The following NDUFA10 variants were observed in gnomAD, a reference collection of about 807,000 sequenced individuals.
The protein encoded by NDUFA10 is NADH dehydrogenase [ubiquinone] 1 alpha subcomplex subunit 10, mitochondrial.
A neutral mutation model predicts 47.8 loss-of-function variants in NDUFA10; 40 were observed. That is an observed-to-expected ratio of 0.84 (90% CI 0.65 to 1.09). The LOEUF is 1.09. Among genes scored for constraint, NDUFA10 ranks in the 50% least tolerant of loss-of-function variants. The probability of loss-of-function intolerance (pLI) is 0.00; values close to 1 mark genes in which losing one functional copy is unlikely to be tolerated. For synonymous variants in NDUFA10, 183 were observed against 172.2 expected, an observed-to-expected ratio of 1.06 and a Z score of -0.49; for missense variants, 413 against 451.1, an observed-to-expected ratio of 0.92 and a Z score of 0.76.
chr2:240,010,723 C>T (rs1472918267), intron 6 of NDUFA10, among the ~76,000 whole-genome samples: 1 of 152,130 alleles, frequency 6.6e-6, no homozygotes, highest in African/African-American at 2.4e-5. Flanking sequence ...GAACATTTCT[C>T]TTATTCACTT....
chr2:239,959,993 C>A lies in NDUFA10; in HGVS notation c.*1125G>T, dbSNP rs563484603. On this transcript the variant is annotated 3_prime_UTR_variant, in exon 10 of 10. Transcript: ENST00000252711. ...CAGCACTGGAACTACTGCCCACAGGCGGCTGTGGAGTGCCTGAACTATGGC... is the reference window on the plus strand; with the variant it reads ...CAGCACTGGAACTACTGCCCACAGGAGGCTGTGGAGTGCCTGAACTATGGC... The A allele has an allele frequency of 2.0e-6, 2 of 985,136 alleles. No individual in the cohort carries two copies. Among genetic ancestry groups the A allele is most frequent in the Non-Finnish European group, 2.4e-6 (2 of 829,752 alleles). The allele number at this position is 985,136 out of a possible 1,614,324, so 61.0% of individuals were successfully genotyped here. A position where few individuals can be genotyped will look rare whatever the true frequency, so the allele number is the denominator to read the frequency against.
chr2:240,005,082 T>TAG, intron 8 of NDUFA10, 128 bp downstream of exon 8: 1 of 818,336 alleles, frequency 1.2e-6, no homozygotes, highest in South Asian at 1.4e-5. Context: ...GAAGAAAAAA[T>TAG]ACCTCTAAGT....
At chr2:239,955,550 G>A (rs1694636252), downstream of NDUFA10, among the ~76,000 whole-genome samples, 1 of 152,182 alleles carries the variant, frequency 6.6e-6, no homozygotes, top group Non-Finnish European at 1.5e-5. Context: ...CTCTTGGAGA[G>A]CCCAGGACAC....
chr2:239,903,286 C>T (rs1431506272), intron 4 of NDUFA10, among the ~76,000 whole-genome samples: 2 of 152,188 alleles, frequency 1.3e-5, no homozygotes, highest in Non-Finnish European at 2.9e-5. Flanking sequence ...AATGTGGCCA[C>T]AGAACGTCAG....
intron 4 of NDUFA10, 47 bp downstream of exon 4, chr2:240,018,506 C>T: frequency 6.2e-7 from 1 of 1,614,176 alleles, no homozygotes; most frequent in Non-Finnish European, 8.5e-7. Context: ...ACAGCCCTTG[C>T]AAAGTCGCAC....
chr2:239,912,433 C>A (rs1219352033), intron 4 of NDUFA10, among the ~76,000 whole-genome samples: 1 of 152,198 alleles, frequency 6.6e-6, no homozygotes, highest in Admixed American at 6.5e-5. Context: ...GCTGGCCAGA[C>A]CCTGAGGGCA....
intron 4 of NDUFA10, among the ~76,000 whole-genome samples, chr2:239,908,141 G>T (rs1383241627): frequency 6.6e-6 from 1 of 151,904 alleles, no homozygotes; most frequent in African/African-American, 2.4e-5. Context: ...GCAAACTATC[G>T]CAAGGACAGA....
At chr2:239,940,327 G>T (rs1315585943) in intron 4 of NDUFA10, among the ~76,000 whole-genome samples, 1 of 152,264 alleles carries the variant, frequency 6.6e-6, no homozygotes, top group Non-Finnish European at 1.5e-5. Context: ...CAAGGGAAGA[G>T]AGTGTGTGGC....
chr2:239,994,129 C>T lies in NDUFA10; in HGVS notation c.891-3947G>A, dbSNP rs541576250. On this transcript the variant is annotated intron_variant, in intron 8 of 9. Transcript: ENST00000252711. ...CACCTTCCAGACGCTGTGTTGACAT[C>T]TACTGTTAACTATGAGATTTCAGAC... 5.9e-5 allele frequency among the ~76,000 whole-genome samples: 9 copies of T among 152,256 alleles called. No individual in the cohort carries two copies. The South Asian group carries it at 1.9e-3, about 32-fold the overall frequency.
rs1476424633 is a variant in NDUFA10, at chr2:239,915,451, GAC to G, written c.295-20139_295-20138del. Among the ~76,000 whole-genome samples the G allele has an allele frequency of 5.0e-5, 7 of 139,490 alleles. No homozygotes were observed. The East Asian group carries it at 6.3e-4, about 13-fold the overall frequency. The allele number at this position is 139,490 out of a possible 152,430, so 91.5% of individuals were successfully genotyped here. ...AAATATACAGACACACACACAGAGA[GAC>G]AGAGATACACATACATACACACACA... On this transcript the variant is annotated intron_variant, in intron 4 of 5. Transcript: ENST00000419408.
At chr2:239,939,564 C>G (rs552128160) in intron 4 of NDUFA10, among the ~76,000 whole-genome samples, 1 of 152,320 alleles carries the variant, frequency 6.6e-6, no homozygotes, top group African/African-American at 2.4e-5. Context: ...AAAGATTATA[C>G]AAGTTCATTA....
chr2:239,953,649 T>C (rs1452736195), downstream of NDUFA10, among the ~76,000 whole-genome samples: 5 of 152,132 alleles, frequency 3.3e-5, no homozygotes, highest in Admixed American at 3.3e-4. Context: ...TCCACTCCCC[T>C]TCCACCACCT....
chr2:239,975,797 A>G (rs1164283230), intron 9 of NDUFA10, among the ~76,000 whole-genome samples: 2 of 152,050 alleles, frequency 1.3e-5, no homozygotes, highest in Non-Finnish European at 2.9e-5. Flanking sequence ...TGGCTGCCAG[A>G]TTAATCCTAA....
At chr2:239,934,788 T>C (rs1231951232) in intron 4 of NDUFA10, among the ~76,000 whole-genome samples, 1 of 152,122 alleles carries the variant, frequency 6.6e-6, no homozygotes, top group Non-Finnish European at 1.5e-5. Flanking sequence ...CTTCGTTCCT[T>C]TCTCTGGCTC....
intron 6 of NDUFA10, among the ~76,000 whole-genome samples, chr2:240,011,018 G>A (rs1396655194): frequency 6.6e-6 from 1 of 152,162 alleles, no homozygotes; most frequent in Non-Finnish European, 1.5e-5. Flanking sequence ...GGACGTGAAT[G>A]AGTGTGGCAG....
chr2:239,990,878 T>C (rs985452687), intron 8 of NDUFA10, among the ~76,000 whole-genome samples: 2 of 152,180 alleles, frequency 1.3e-5, no homozygotes, highest in Non-Finnish European at 2.9e-5. Context: ...TACTTAAAGA[T>C]TTTTAAAAAG....
intron 5 of NDUFA10, chr2:240,013,468 A>C (rs1697217856): frequency 6.6e-6 from 1 of 152,280 alleles, no homozygotes; most frequent in Admixed American, 6.5e-5. Context: ...CAGCATAATA[A>C]GCAAAGGTGT....
intron 4 of NDUFA10, among the ~76,000 whole-genome samples, chr2:239,898,418 C>T (rs1693442175): frequency 6.6e-6 from 1 of 152,224 alleles, no homozygotes; most frequent in Non-Finnish European, 1.5e-5. Context: ...AGGGAGCTGC[C>T]TACACACACT....
chr2:239,947,699 C>T (rs1694478214), intron 4 of NDUFA10, among the ~76,000 whole-genome samples: 1 of 152,232 alleles, frequency 6.6e-6, no homozygotes, highest in South Asian at 2.1e-4. Context: ...TGAGCTCCTC[C>T]ATCCACTGAA....
Sources: gnomAD v4.1 joint callset for allele counts (sites outside exome capture counted in the v4.1 genomes callset) on GRCh38, gnomAD v4.1.1 for gene constraint, MANE v1.5 for transcripts, NCBI Gene and HGNC (gene_info 2026-07-23, HGNC 2026-07-21) for gene names.